The following SLC12A2 variants were observed in gnomAD, a reference collection of about 807,000 sequenced individuals.
SLC12A2 encodes the protein Na-K-2Cl cotransporter 1.
Under a neutral mutation model 136.3 loss-of-function variants are expected in SLC12A2, and 67 were observed. The observed-to-expected ratio is 0.49, with a 90% CI of 0.40 to 0.60. SLC12A2 has a LOEUF of 0.60. Among genes scored for constraint, SLC12A2 ranks in the 20% least tolerant of loss-of-function variants. The pLI, the probability that SLC12A2 is intolerant of heterozygous loss-of-function variation, is 0.00. For synonymous variants in SLC12A2, 619 were observed against 562.9 expected (o/e 1.10, Z -1.41); for missense variants, 1,322 against 1,534.7 (o/e 0.86, Z 2.32).
At chr5:128,095,424 G>C (rs1342053086) in intron 1 of SLC12A2, among the ~76,000 whole-genome samples, 1 of 152,196 alleles carries the variant, frequency 6.6e-6, no homozygotes, top group East Asian at 1.9e-4. Flanking sequence ...CCAGGTCTCG[G>C]TATCCCAATT....
intron 1 of SLC12A2, among the ~76,000 whole-genome samples, chr5:128,092,205 A>G (rs1023650685): frequency 2.0e-5 from 3 of 152,206 alleles, no homozygotes; most frequent in Admixed American, 6.5e-5. Context: ...GAACAATTAT[A>G]CGTTTGAAAC....
intron 9 of SLC12A2, among the ~76,000 whole-genome samples, chr5:128,140,162 C>T (rs1405138067): frequency 6.6e-6 from 1 of 152,040 alleles, no homozygotes; most frequent in African/African-American, 2.4e-5. Flanking sequence ...CTACACCTGG[C>T]TAATTTTTGT....
intron 2 of SLC12A2, 125 bp downstream of exon 2, chr5:128,113,058 C>A: frequency 1.4e-6 from 1 of 715,400 alleles, no homozygotes; most frequent in South Asian, 3.9e-5. Flanking sequence ...TATCTGAGTG[C>A]TGTGGAAAAC....
At chr5:128,130,684 C>CA (rs1278588481) in intron 4 of SLC12A2, among the ~76,000 whole-genome samples, 223 of 141,756 alleles carry the variant, frequency 1.6e-3, no homozygotes, top group African/African-American at 3.1e-3. Flanking sequence ...TTTCTGAAAA[C>CA]AAAAAAAAAA....
At chr5:128,154,410 G>A (rs1561691268) in intron 15 of SLC12A2, among the ~76,000 whole-genome samples, 1 of 148,634 alleles carries the variant, frequency 6.7e-6, no homozygotes, top group African/African-American at 2.5e-5. Flanking sequence ...GCGAGACCCT[G>A]TCTCAAAAAA....
intron 1 of SLC12A2, among the ~76,000 whole-genome samples, chr5:128,087,344 A>G (rs1245827696): frequency 6.6e-6 from 1 of 152,350 alleles, no homozygotes; most frequent in African/African-American, 2.4e-5. Flanking sequence ...TTCTGCCTAG[A>G]CAGACATTAA....
chr5:128,163,239 A>G (rs1176281887), intron 17 of SLC12A2, among the ~76,000 whole-genome samples: 2 of 152,152 alleles, frequency 1.3e-5, no homozygotes, highest in African/African-American at 2.4e-5. Flanking sequence ...AGGCTATATG[A>G]AACTTCAGGC....
chr5:128,173,530 G>T (rs1014334818), intron 19 of SLC12A2, among the ~76,000 whole-genome samples: 1 of 152,128 alleles, frequency 6.6e-6, no homozygotes, highest in Non-Finnish European at 1.5e-5. Flanking sequence ...AGGAATTTGG[G>T]AATAGGAATT....
intron 1 of SLC12A2, 39 bp from the exon 2 acceptor site, chr5:128,112,775 T>C: frequency 1.3e-6 from 2 of 1,509,916 alleles, no homozygotes; most frequent in Non-Finnish European, 9.0e-7. Context: ...TTTTAAATTT[T>C]AAATGTTAAG....
intron 17 of SLC12A2, 34 bp downstream of exon 17, chr5:128,161,834 T>G: frequency 7.4e-7 from 1 of 1,354,524 alleles, no homozygotes; most frequent in Non-Finnish European, 9.6e-7. Context: ...ATGCCTACAT[T>G]TTAGATTTGT....
At chr5:128,174,476 A>G (rs1421297665) in intron 19 of SLC12A2, 65 bp from the exon 20 acceptor site, 1 of 1,231,524 alleles carries the variant, frequency 8.1e-7, no homozygotes, top group South Asian at 1.4e-5. Flanking sequence ...TTACTAAACC[A>G]TAATGCCTTA....
intron 9 of SLC12A2, among the ~76,000 whole-genome samples, chr5:128,141,558 C>G (rs1358572568): frequency 6.6e-6 from 1 of 152,118 alleles, no homozygotes; most frequent in African/African-American, 2.4e-5. Flanking sequence ...TGCTAGTATA[C>G]CATTTTCCAC....
intron 4 of SLC12A2, among the ~76,000 whole-genome samples, chr5:128,123,471 C>T (rs1369920511): frequency 2.0e-5 from 3 of 152,016 alleles, no homozygotes; most frequent in South Asian, 2.1e-4. Flanking sequence ...TCACTTGTTC[C>T]GTATCTGTAT....
intron 10 of SLC12A2, among the ~76,000 whole-genome samples, chr5:128,145,361 G>T (rs971216206): frequency 1.3e-5 from 2 of 152,052 alleles, no homozygotes; most frequent in Non-Finnish European, 2.9e-5. Context: ...TAAGACAGAT[G>T]TAGAATTTTG....
intron 26 of SLC12A2, among the ~76,000 whole-genome samples, chr5:128,185,442 AG>A (rs1389347467): frequency 6.6e-5 from 10 of 152,140 alleles, no homozygotes; most frequent in Admixed American, 6.5e-4. Context: ...GTCCTTAGAT[AG>A]GAAAGCTCAG....
chr5:128,157,394 T>C (rs977774506), intron 15 of SLC12A2, among the ~76,000 whole-genome samples: 1 of 152,232 alleles, frequency 6.6e-6, no homozygotes, highest in East Asian at 1.9e-4. Flanking sequence ...TCATCATTGA[T>C]AGCTAGAATT....
intron 7 of SLC12A2, 145 bp downstream of exon 7, chr5:128,135,953 C>T (rs1762177922): frequency 3.1e-6 from 2 of 635,974 alleles, no homozygotes; most frequent in Non-Finnish European, 5.6e-6. Flanking sequence ...GTTTTGTCCC[C>T]TTTATGCTGT....
chr5:128,184,878 A>T, intron 26 of SLC12A2, 22 bp downstream of exon 26: 2 of 1,544,268 alleles, frequency 1.3e-6, no homozygotes, highest in Non-Finnish European at 1.8e-6. Flanking sequence ...CTTTATAAAG[A>T]TTTTCTTGCT....
At chr5:128,103,396 T>A (rs1284028981) in intron 1 of SLC12A2, among the ~76,000 whole-genome samples, 1 of 152,188 alleles carries the variant, frequency 6.6e-6, no homozygotes, top group Non-Finnish European at 1.5e-5. Context: ...ATCTCTGACT[T>A]GAGAACAGAC....
Sources: gnomAD v4.1 joint callset for allele counts (sites outside exome capture counted in the v4.1 genomes callset) on GRCh38, gnomAD v4.1.1 for gene constraint, MANE v1.5 for transcripts, NCBI Gene and HGNC (gene_info 2026-07-23, HGNC 2026-07-21) for gene names.